CTIF: variants seen among roughly 807,000 people sequenced by gnomAD.
CTIF encodes CBP80/20-dependent translation initiation factor.
In CTIF, 21 loss-of-function variants were observed where a neutral mutation model predicts 66.0. That is an observed-to-expected ratio of 0.32 (90% CI 0.23 to 0.46). The LOEUF (loss-of-function observed/expected upper bound fraction) is 0.46. CTIF is among the 20% of genes least tolerant of loss of function. CTIF has a pLI of 1.00. For missense variants in CTIF, 739 were observed against 812.7 expected (o/e 0.91, Z 1.10); for synonymous variants, 345 against 326.4 (o/e 1.06, Z -0.62).
At chr18:48,561,263 T>C (rs745660086) in intron 1 of CTIF, among the ~76,000 whole-genome samples, 1 of 149,200 alleles carries the variant, frequency 6.7e-6, no homozygotes, top group Non-Finnish European at 1.5e-5. Flanking sequence ...AAAGGAGTGT[T>C]TATAAAAACT....
chr18:48,605,307 A>C (rs1230523067), intron 1 of CTIF, among the ~76,000 whole-genome samples: 1 of 152,158 alleles, frequency 6.6e-6, no homozygotes, highest in Admixed American at 6.5e-5. Flanking sequence ...GATACTTTGT[A>C]AGGTCTTTTT....
intron 8 of CTIF, among the ~76,000 whole-genome samples, chr18:48,758,688 G>A (rs1184577738): frequency 1.3e-5 from 2 of 152,216 alleles, no homozygotes; most frequent in African/African-American, 4.8e-5. Context: ...GCCCAAGGGA[G>A]TAGGGGGAAG....
At chr18:48,550,409 G>C (rs2088854753) in intron 1 of CTIF, among the ~76,000 whole-genome samples, 1 of 152,224 alleles carries the variant, frequency 6.6e-6, no homozygotes, top group African/African-American at 2.4e-5. Flanking sequence ...AATGAGTTCT[G>C]TTGTCCCTGC....
chr18:48,845,567 C>T (rs2069052263), intron 10 of CTIF, among the ~76,000 whole-genome samples: 2 of 152,170 alleles, frequency 1.3e-5, no homozygotes, highest in Non-Finnish European at 2.9e-5. Context: ...TTGGGAGCCC[C>T]TGCCGTCTTC....
intron 1 of CTIF, among the ~76,000 whole-genome samples, chr18:48,602,076 A>G (rs1326516312): frequency 1.3e-5 from 2 of 152,246 alleles, no homozygotes; most frequent in African/African-American, 2.4e-5. Flanking sequence ...CAGGCAGGAC[A>G]TAGTCGTCAT....
intron 1 of CTIF, among the ~76,000 whole-genome samples, chr18:48,556,441 C>T (rs991445432): frequency 7.2e-5 from 11 of 152,158 alleles, no homozygotes; most frequent in East Asian, 1.9e-4. Flanking sequence ...TCAGGCACCC[C>T]GCCCCAAGAA....
At chr18:48,846,067 C>G (rs931198538) in intron 10 of CTIF, among the ~76,000 whole-genome samples, 1 of 152,226 alleles carries the variant, frequency 6.6e-6, no homozygotes, top group East Asian at 1.9e-4. Flanking sequence ...AGTTTAAAAT[C>G]TTTCAGTGGC....
At chr18:48,545,844 C>T (rs554270159) in intron 1 of CTIF, among the ~76,000 whole-genome samples, 1 of 152,184 alleles carries the variant, frequency 6.6e-6, no homozygotes, top group African/African-American at 2.4e-5. Flanking sequence ...GAGCAGACCT[C>T]TTCCTCCCAT....
intron 9 of CTIF, among the ~76,000 whole-genome samples, chr18:48,786,452 G>A (rs1911713472): frequency 6.6e-6 from 1 of 152,204 alleles, no homozygotes; most frequent in Non-Finnish European, 1.5e-5. Context: ...TGCAAAGTGA[G>A]TGATCTTTCT....
At chr18:48,772,050 C>T (rs2145971751) in intron 9 of CTIF, among the ~76,000 whole-genome samples, 1 of 152,326 alleles carries the variant, frequency 6.6e-6, no homozygotes, top group Non-Finnish European at 1.5e-5. Context: ...GAGCAGTGGC[C>T]CCTGGGCAGG....
chr18:48,814,761 A>C (rs2068327005), intron 9 of CTIF, among the ~76,000 whole-genome samples: 1 of 152,226 alleles, frequency 6.6e-6, no homozygotes, highest in African/African-American at 2.4e-5. Flanking sequence ...TGCCTGCTCC[A>C]GGCTCTGGAC....
At chr18:48,759,270 C>T (rs1249051875) in intron 8 of CTIF, among the ~76,000 whole-genome samples, 2 of 152,210 alleles carry the variant, frequency 1.3e-5, no homozygotes, top group Non-Finnish European at 2.9e-5. Flanking sequence ...GCCATTCCCA[C>T]ACAGCAGCAG....
intron 1 of CTIF, among the ~76,000 whole-genome samples, chr18:48,556,883 C>T (rs902704396): frequency 6.6e-6 from 1 of 152,152 alleles, no homozygotes; most frequent in African/African-American, 2.4e-5. Flanking sequence ...GGCATTGTGA[C>T]CTTAGGAGAG....
chr18:48,711,509 C>A, intron 6 of CTIF, 110 bp from the exon 7 acceptor site: 1 of 828,048 alleles, frequency 1.2e-6, no homozygotes, highest in Non-Finnish European at 2.0e-6. Flanking sequence ...TCTCTCCAAA[C>A]TCTTGATGTC....
In CTIF at chr18:48,711,603, T is replaced by TC; in HGVS notation, c.508-10dup. 6.2e-7 allele frequency: 1 copy of TC among 1,609,034 alleles called. No individual in the cohort carries two copies. Among genetic ancestry groups the TC allele is most frequent in the Non-Finnish European group, 8.5e-7 (1 of 1,176,092 alleles). ...AGGAGTTACTAATGATCCCCCTTCCTCCCCCCATGACACAGGGCTACCACC... is the reference window on the plus strand; with the variant it reads ...AGGAGTTACTAATGATCCCCCTTCCTCCCCCCCATGACACAGGGCTACCACC... On this transcript the variant is annotated splice_polypyrimidine_tract_variant and intron_variant, in intron 6 of 11. Transcript: ENST00000256413.
chr18:48,713,379 G>A (rs1379592235), intron 7 of CTIF, among the ~76,000 whole-genome samples: 2 of 152,182 alleles, frequency 1.3e-5, no homozygotes, highest in Non-Finnish European at 2.9e-5. Context: ...ATCCAGGTCA[G>A]CCTGCATGTC....
intron 3 of CTIF, among the ~76,000 whole-genome samples, chr18:48,639,768 G>A (rs775226863): frequency 5.3e-5 from 8 of 152,160 alleles, no homozygotes; most frequent in Non-Finnish European, 8.8e-5. Context: ...CCGGATCCTT[G>A]CTTCTCACTG....
In CTIF at chr18:48,761,128, G is replaced by A. The variant is rs1286161580; in HGVS notation, c.1072-262G>A. ...GGACAAATAAACAAAAAAAGCCAAT[G>A]TATATGAGAATCCTGGGTAGGAGCT... is the stretch of plus-strand genomic sequence containing the variant. On this transcript the variant is annotated intron_variant, in intron 8 of 11. Coordinates refer to ENST00000256413, the MANE Select transcript of CTIF (RefSeq NM_014772.3). This position sits in a 1 kb window ranked among gnomAD's most constrained non-coding sequence, Gnocchi z 4.2. 1.7e-5 allele frequency: 7 copies of A among 411,986 alleles called. No homozygotes were observed. Among genetic ancestry groups the A allele is most frequent in the Admixed American group, 4.0e-5 (1 of 24,784 alleles). The allele number at this position is 411,986 out of a possible 1,614,324, so 25.5% of individuals were successfully genotyped here.
intron 7 of CTIF, among the ~76,000 whole-genome samples, chr18:48,721,269 T>C (rs1462870825): frequency 6.6e-6 from 1 of 152,160 alleles, no homozygotes; most frequent in Non-Finnish European, 1.5e-5. Flanking sequence ...GGAGGGCTGC[T>C]CCCTGAGAAA....
Sources: allele counts gnomAD v4.1 joint callset (sites outside exome capture counted in the v4.1 genomes callset), GRCh38; gene constraint gnomAD v4.1.1; non-coding constraint Gnocchi (gnomAD v3.1); transcripts MANE v1.5; gene names NCBI Gene and HGNC (gene_info 2026-07-23, HGNC 2026-07-21).